KLF12: variants seen among roughly 807,000 people sequenced by gnomAD.
The protein encoded by KLF12 is Krueppel-like factor 12.
In KLF12, 9 loss-of-function variants were observed where a neutral mutation model predicts 37.8. That is an observed-to-expected ratio of 0.24 (90% confidence interval 0.14 to 0.42). The LOEUF (loss-of-function observed/expected upper bound fraction) is 0.42. KLF12 is among the 10% of genes least tolerant of loss of function. The probability of loss-of-function intolerance (pLI) is 1.00; values close to 1 mark genes in which losing one functional copy is unlikely to be tolerated. For synonymous variants in KLF12, 208 were observed against 202.1 expected (o/e 1.03, Z -0.25); for missense variants, 411 against 516.0 (o/e 0.80, Z 1.97).
intron 3 of KLF12, among the ~76,000 whole-genome samples, chr13:73,930,793 A>C (rs1243656345): frequency 1.3e-5 from 2 of 151,980 alleles, no homozygotes; most frequent in Non-Finnish European, 2.9e-5. Context: ...GTAATAAAGC[A>C]CAGCATTACT....
intron 1 of KLF12, among the ~76,000 whole-genome samples, chr13:74,010,689 T>C (rs533502146): frequency 1.3e-5 from 2 of 152,312 alleles, no homozygotes; most frequent in East Asian, 3.9e-4. Context: ...TACTAGATCT[T>C]AGAAGCTGCT....
chr13:73,980,790 A>C (rs74973961), intron 2 of KLF12, among the ~76,000 whole-genome samples: 7,409 of 152,274 alleles, frequency 0.049, 387 homozygotes, highest in African/African-American at 0.13. Flanking sequence ...ACCAGATTGA[A>C]AAATCTTCAA....
intron 4 of KLF12, among the ~76,000 whole-genome samples, chr13:73,832,101 A>G (rs1884191619): frequency 6.6e-6 from 1 of 152,238 alleles, no homozygotes; most frequent in Non-Finnish European, 1.5e-5. Context: ...AGTAACATAG[A>G]GTACATGTAA....
chr13:74,186,191 AT>A, the KLF12 span, among the ~76,000 whole-genome samples: 234 of 151,886 alleles, frequency 1.5e-3, no homozygotes, highest in African/African-American at 5.1e-3. Context: ...TGTCTAAGAG[AT>A]TTTTTTTTCT....
At chr13:73,806,907 T>C (rs1265504691) in intron 5 of KLF12, among the ~76,000 whole-genome samples, 2 of 151,912 alleles carry the variant, frequency 1.3e-5, no homozygotes, top group Non-Finnish European at 2.9e-5. Flanking sequence ...CATGAGGAGA[T>C]TAACAAAAAC....
At chr13:74,020,352 A>G (rs1168477126) in intron 1 of KLF12, among the ~76,000 whole-genome samples, 1 of 152,194 alleles carries the variant, frequency 6.6e-6, no homozygotes, top group African/African-American at 2.4e-5. Context: ...TAATCACTAC[A>G]GGGCAAACCC....
chr13:73,997,557 C>T (rs1048874628), intron 1 of KLF12, among the ~76,000 whole-genome samples: 1 of 152,142 alleles, frequency 6.6e-6, no homozygotes, highest in Non-Finnish European at 1.5e-5. Context: ...GTTTTTCCCC[C>T]CAATCCCTAT....
At chr13:74,088,742 C>T (rs1015687410) in intron 1 of KLF12, among the ~76,000 whole-genome samples, 2 of 152,188 alleles carry the variant, frequency 1.3e-5, no homozygotes, top group African/African-American at 4.8e-5. Flanking sequence ...TAAACTTGTA[C>T]TTCTGAAAAG....
At chr13:73,992,999 A>C (rs9543508) in intron 2 of KLF12, among the ~76,000 whole-genome samples, 101,795 of 152,148 alleles carry the variant, frequency 0.67, 35,518 homozygotes, top group East Asian at 0.83. Flanking sequence ...TGGGAGGCCA[A>C]GGTGGGAGGA....
At chr13:74,221,550 A>T in the KLF12 span, among the ~76,000 whole-genome samples, 4 of 152,190 alleles carry the variant, frequency 2.6e-5, no homozygotes, top group African/African-American at 9.6e-5. Context: ...TTAATTCTCT[A>T]ACATAAAAAT....
At chr13:74,054,141 G>A (rs1873101953) in intron 1 of KLF12, among the ~76,000 whole-genome samples, 1 of 152,078 alleles carries the variant, frequency 6.6e-6, no homozygotes, top group Non-Finnish European at 1.5e-5. Context: ...CTCACAGTAT[G>A]AAAATTCTTA....
At chr13:73,757,745 T>C (rs1192236982) in intron 6 of KLF12, among the ~76,000 whole-genome samples, 1 of 152,170 alleles carries the variant, frequency 6.6e-6, no homozygotes, top group Non-Finnish European at 1.5e-5. Flanking sequence ...CCAATTTTAG[T>C]CATTATTCTT....
chr13:74,046,990 A>G (rs1047281628), intron 1 of KLF12, among the ~76,000 whole-genome samples: 3 of 152,178 alleles, frequency 2.0e-5, no homozygotes, highest in Non-Finnish European at 2.9e-5. Flanking sequence ...CTACTGAAAA[A>G]CAGGAAAAAA....
At chr13:73,908,717 T>A (rs1593709630) in intron 3 of KLF12, among the ~76,000 whole-genome samples, 1 of 152,038 alleles carries the variant, frequency 6.6e-6, no homozygotes, top group South Asian at 2.1e-4. Flanking sequence ...TGACCTCAGG[T>A]GATCTGCCCG....
At chr13:74,163,775 C>A in the KLF12 span, among the ~76,000 whole-genome samples, 5 of 151,716 alleles carry the variant, frequency 3.3e-5, no homozygotes, top group African/African-American at 7.3e-5. Flanking sequence ...GATGTGGATA[C>A]CTCATTCTCC....
chr13:74,232,853 T>C, the KLF12 span, among the ~76,000 whole-genome samples: 3 of 151,864 alleles, frequency 2.0e-5, no homozygotes, highest in Non-Finnish European at 4.4e-5. Context: ...GTGATCTTTA[T>C]ACCTATCAAA....
chr13:73,794,660 C>G (rs1161449463), intron 5 of KLF12, among the ~76,000 whole-genome samples: 1 of 152,144 alleles, frequency 6.6e-6, no homozygotes, highest in Non-Finnish European at 1.5e-5. Context: ...GCCTTAAGTT[C>G]CCCTTCTCCT....
chr13:73,896,479 A>G (rs1443746638), intron 3 of KLF12, among the ~76,000 whole-genome samples: 1 of 152,194 alleles, frequency 6.6e-6, no homozygotes. Context: ...GGGAGCCTCC[A>G]AGTCTCTGAC....
At chr13:73,988,670 C>A (rs1478471713) in intron 2 of KLF12, among the ~76,000 whole-genome samples, 1 of 152,146 alleles carries the variant, frequency 6.6e-6, no homozygotes, top group East Asian at 1.9e-4. Flanking sequence ...CAGACCCCAA[C>A]ACCAGAAGCT....
Sources: gnomAD v4.1 joint callset for allele counts (sites outside exome capture counted in the v4.1 genomes callset) on GRCh38, gnomAD v4.1.1 for gene constraint, MANE v1.5 for transcripts, NCBI Gene and HGNC (gene_info 2026-07-23, HGNC 2026-07-21) for gene names.